SSUH2: variants seen among roughly 807,000 people sequenced by gnomAD.
SSUH2 encodes ssu-2 homolog, also known as protein SSUH2 homolog.
A neutral mutation model predicts 55.3 loss-of-function variants in SSUH2; 47 were observed. The ratio of observed to expected loss-of-function variants is 0.85; its 90% CI spans 0.67 to 1.08. SSUH2 has a LOEUF of 1.08. Ranked by LOEUF, SSUH2 falls within the 50% of genes least tolerant of loss-of-function variation. The pLI is 0.00. For missense variants in SSUH2, 535 were observed against 490.7 expected, an observed-to-expected ratio of 1.09 and a Z score of -0.85; for synonymous variants, 212 against 191.5, an observed-to-expected ratio of 1.11 and a Z score of -0.89.
intron 4 of SSUH2, among the ~76,000 whole-genome samples, chr3:8,671,456 G>T (rs774212442): frequency 1.3e-5 from 2 of 151,792 alleles, no homozygotes; most frequent in Admixed American, 1.3e-4. Context: ...GACATAAGAG[G>T]TGACATCCCT....
chr3:8,634,631 G>A (rs1699590056), intron 3 of SSUH2: 15 of 1,264,210 alleles, frequency 1.2e-5, no homozygotes, highest in African/African-American at 1.5e-5. Flanking sequence ...CTCCCCGGAG[G>A]AAGCAGGGTT....
intron 7 of SSUH2, among the ~76,000 whole-genome samples, chr3:8,649,958 G>A (rs1405403929): frequency 5.3e-5 from 8 of 152,116 alleles, no homozygotes. Context: ...TATGGCCTCT[G>A]CCTGCTTCCC....
chr3:8,672,507 C>G (rs1704706150), intron 3 of SSUH2, among the ~76,000 whole-genome samples: 1 of 152,070 alleles, frequency 6.6e-6, no homozygotes, highest in Non-Finnish European at 1.5e-5. Flanking sequence ...AACAATATCA[C>G]AGACTGGATG....
rs540217410 is a variant in SSUH2 at position 8,649,821 on chromosome 3, T to G, written c.-307+9104A>C. ...TCAATTCAGAACTCAGACTGATCCC[T>G]CTACACCTGTAAGTCAGGAGACAGC... On this transcript the variant is annotated intron_variant, in intron 7 of 18. Transcript: ENST00000317371. Among the ~76,000 whole-genome samples, 20 of 152,192 alleles carry G rather than the reference T, an allele frequency of 1.3e-4. 1 individual carries two copies. The South Asian group carries it at 2.1e-3, about 16-fold the overall frequency.
rs759676557 is a variant in SSUH2, at chr3:8,632,084, G to T, written c.365C>A (p.Ser122Tyr). 1.9e-6 allele frequency: 3 copies of T among 1,613,866 alleles called. No homozygotes were observed. The highest frequency in any genetic ancestry group is 1.3e-5 in the African/African-American group (1 of 74,868). The change falls in exon 5 of 12, where the codon TCC (serine) becomes TAC (tyrosine). Residue 122 changes from serine (S) to tyrosine (Y), a missense_variant. Ser to Tyr is a moderately radical substitution (Grantham distance 144, BLOSUM62 -2). Transcript: ENST00000544814. ...CRYRLETFSESRISEWTFQPF... is the reference protein window; with the variant it reads ...CRYRLETFSEYRISEWTFQPF... The stretch of plus-strand genomic sequence containing the variant: ...TTGAAATGTCCACTCGCTTATCCTG[G>T]ATTCACTAAAGGTCTCCAGACGGTA...
In SSUH2 at chr3:8,626,549, C is replaced by A. The variant is rs1444442079; in HGVS notation, c.675-228G>T. Among the ~76,000 whole-genome samples the A allele has an allele frequency of 3.9e-5, 5 of 127,444 alleles. No individual in the cohort carries two copies. In the East Asian group the frequency reaches 1.0e-3, roughly 25 times the overall value. The allele number at this position is 127,444 out of a possible 152,430, so 83.6% of individuals were successfully genotyped here. A position where few individuals can be genotyped will look rare whatever the true frequency, so the allele number is the denominator to read the frequency against. ...GGCTCTAGGGCCTGCCCCCCCCCCT[C>A]CCCCACCACTAAATTCTGTGAACAG... On this transcript the variant is annotated intron_variant, in intron 8 of 11. Coordinates refer to ENST00000544814, the MANE Select transcript of SSUH2 (RefSeq NM_001256748.3).
chr3:8,620,153 G>C (rs1696114142), intron 11 of SSUH2, 139 bp from the exon 12 acceptor site: 2 of 846,926 alleles, frequency 2.4e-6, no homozygotes, highest in African/African-American at 1.7e-5. Context: ...GTTTGGCTCT[G>C]TGTTCCCACC....
chr3:8,633,648 C>A lies in SSUH2; in HGVS notation c.339+18G>T. ...CCAGCCCCCCGGCCAAGGCCCCCCA[C>A]CGGCCCTGGCCTCTCACCCTGCAGA... On this transcript the variant is annotated intron_variant, in intron 4 of 11. Coordinates refer to ENST00000544814, the MANE Select transcript of SSUH2 (RefSeq NM_001256748.3). 6.7e-7 allele frequency: 1 copy of A among 1,500,830 alleles called. No individual in the cohort carries two copies. Among genetic ancestry groups the A allele is most frequent in the Non-Finnish European group, 8.9e-7 (1 of 1,126,706 alleles). 93.0% of individuals were successfully genotyped at this position (1,500,830 alleles called of 1,614,324 possible). A position where few individuals can be genotyped will look rare whatever the true frequency, so the allele number is the denominator to read the frequency against.
intron 9 of SSUH2, 30 bp downstream of exon 9, chr3:8,626,199 A>G: frequency 6.3e-7 from 1 of 1,587,222 alleles, no homozygotes; most frequent in Admixed American, 1.7e-5. Flanking sequence ...CCACCCCCGC[A>G]TGCCACAGCA....
rs775068947 is a variant in SSUH2 at position 8,630,948 on chromosome 3, A to T, written c.401-19T>A. Reference sequence around the variant, plus strand: ...GAGTGGTCTGACACAGAAAGGGGTCATTGTAAGAATGACGAAGGGCAGCAG... The same window carrying T: ...GAGTGGTCTGACACAGAAAGGGGTCTTTGTAAGAATGACGAAGGGCAGCAG... On this transcript the variant is annotated intron_variant, in intron 5 of 11. Transcript: ENST00000544814. 14 of 1,362,856 alleles carry T rather than the reference A, an allele frequency of 1.0e-5. No individual in the cohort carries two copies. The highest frequency in any genetic ancestry group is 8.3e-5 in the East Asian group (3 of 36,132). 84.4% of individuals were successfully genotyped at this position (1,362,856 alleles called of 1,614,324 possible).
chr3:8,629,633 C>CTGACTCACCAGTGGTTCACTGA, intron 7 of SSUH2, 31 bp downstream of exon 7: 3 of 1,587,724 alleles, frequency 1.9e-6, no homozygotes, highest in Non-Finnish European at 2.6e-6. Context: ...CACACCCTCA[C>CTGACTCACCAGTGGTTCACTGA]TGACTCACCA....
Position 8,635,313 on chromosome 3 carries a change from A to G in SSUH2, c.196T>C (p.Phe66Leu). The change falls in exon 3 of 12, where the codon TTC becomes CTC. Residue 66 changes from phenylalanine to leucine, a missense_variant. Coordinates refer to ENST00000544814, the MANE Select transcript of SSUH2 (RefSeq NM_001256748.3). ...CCTGAAACTCACCTGTGTTCCAGGA[A>G]CGAGGGCCAGGACCTTTGCTCCTGG... Reference protein sequence around the residue: ...RPQEQRSWPSFLEHRVPAMTE... With the variant: ...RPQEQRSWPSLLEHRVPAMTE... 6.5e-7 allele frequency: 1 copy of G among 1,535,726 alleles called. No homozygotes were observed. The highest frequency in any genetic ancestry group is 1.2e-5 in the South Asian group (1 of 84,012).
intron 9 of SSUH2, 101 bp downstream of exon 9, chr3:8,626,128 G>A (rs1303122230): frequency 1.1e-6 from 1 of 929,640 alleles, no homozygotes; most frequent in Non-Finnish European, 1.7e-6. Context: ...TTCTTGCACT[G>A]TGAAAGCCCC....
At chr3:8,678,031 G>A (rs946218591) in intron 2 of SSUH2, among the ~76,000 whole-genome samples, 7 of 151,968 alleles carry the variant, frequency 4.6e-5, no homozygotes, top group Admixed American at 1.3e-4. Flanking sequence ...GCGATATCGC[G>A]TGTCATATCC....
chr3:8,642,501 GA>G (rs1454940398), intron 1 of SSUH2, among the ~76,000 whole-genome samples: 1 of 152,216 alleles, frequency 6.6e-6, no homozygotes, highest in Admixed American at 6.5e-5. Flanking sequence ...ACCATCACTG[GA>G]AGTGGTCCAG....
At chr3:8,667,754 G>C (rs11718984) in intron 5 of SSUH2, among the ~76,000 whole-genome samples, 4 of 151,994 alleles carry the variant, frequency 2.6e-5, no homozygotes, top group African/African-American at 9.7e-5. Context: ...ATTCTGCCTC[G>C]GCCACTCTGG....
rs747197451 is a variant in SSUH2 at position 8,625,545 on chromosome 3, C to A, written c.870G>T (p.Ser290=). 1.2e-6 allele frequency: 2 copies of A among 1,608,120 alleles called. No individual in the cohort carries two copies. The highest frequency in any genetic ancestry group is 1.1e-5 in the South Asian group (1 of 90,862). The change falls in exon 10 of 12, where the codon TCG becomes TCT. Residue 290 remains serine (S), a synonymous_variant. Transcript: ENST00000544814. ...CCCATCTACAATGCCCTCTTACCAC[C>A]GAGTTTTCATCCTTAAAGAGGTTTT... is the stretch of plus-strand genomic sequence containing the variant. ...KGENLFKDEN[S]VVYPIVDFPL... is the part of the protein sequence containing the mutation.
chr3:8,667,584 C>T (rs1704104369), intron 5 of SSUH2, among the ~76,000 whole-genome samples: 2 of 152,204 alleles, frequency 1.3e-5, no homozygotes, highest in Admixed American at 1.3e-4. Context: ...CTCCAGGAAT[C>T]ACCACGTGTT....
chr3:8,652,313 G>C lies in SSUH2; in HGVS notation c.-307+6612C>G, dbSNP rs1169531899. Among the ~76,000 whole-genome samples the C allele has an allele frequency of 3.4e-4, 52 of 152,174 alleles. 1 individual carries two copies. Among genetic ancestry groups the C allele is most frequent in the Admixed American group, 3.3e-3 (51 of 15,276 alleles). On this transcript the variant is annotated intron_variant, in intron 7 of 18. Transcript: ENST00000317371. ...AGGGTCTCAGGTGCTCTGTGATCAG[G>C]AGTAGCCTTATAGACCAGTAACAGA...
Sources: allele counts gnomAD v4.1 joint callset (sites outside exome capture counted in the v4.1 genomes callset), GRCh38; gene constraint gnomAD v4.1.1; transcripts MANE v1.5; gene names NCBI Gene and HGNC (gene_info 2026-07-23, HGNC 2026-07-21).